The following PDGFC variants were observed in gnomAD, a reference collection of about 807,000 sequenced individuals.
The protein encoded by PDGFC is platelet-derived growth factor C.
PDGFC carries 12 observed loss-of-function variants against 35.5 expected under a neutral mutation model. The ratio of observed to expected loss-of-function variants is 0.34; its 90% CI spans 0.22 to 0.55. The LOEUF is 0.55. Ranked by LOEUF, PDGFC falls within the 20% of genes least tolerant of loss-of-function variation. PDGFC has a pLI of 0.91. For missense variants in PDGFC, 322 were observed against 412.4 expected, an observed-to-expected ratio of 0.78 and a Z score of 1.90; for synonymous variants, 159 against 148.8, an observed-to-expected ratio of 1.07 and a Z score of -0.50.
intron 2 of PDGFC, among the ~76,000 whole-genome samples, chr4:156,825,642 A>AAGAAGC (rs1560828522): frequency 2.0e-5 from 3 of 148,096 alleles, no homozygotes; most frequent in Non-Finnish European, 4.4e-5. Flanking sequence ...GAAGAAGAAG[A>AAGAAGC]AAAGAAAGAA....
chr4:156,859,604 T>A (rs1243771566), intron 1 of PDGFC, among the ~76,000 whole-genome samples: 1 of 152,004 alleles, frequency 6.6e-6, no homozygotes, highest in East Asian at 1.9e-4. Flanking sequence ...CTCGTGAACA[T>A]CCTATCCATT....
intron 1 of PDGFC, among the ~76,000 whole-genome samples, chr4:156,945,126 T>C (rs1041342088): frequency 4.0e-5 from 6 of 151,798 alleles, no homozygotes; most frequent in South Asian, 2.1e-4. Context: ...CTTATTTATA[T>C]GTTATTTGTC....
chr4:156,760,554 G>A lies in PDGFC; in HGVS notation c.*2536C>T, dbSNP rs1730351487. On this transcript the variant is annotated 3_prime_UTR_variant, in exon 6 of 6. Transcript: ENST00000502773. The stretch of plus-strand genomic sequence containing the variant: ...AAACAGATATCATACACAAAACGGT[G>A]TGTGGTCAATACAGTCAATACTTAC... The A allele has an allele frequency of 6.6e-6, 1 of 152,198 alleles. No homozygotes were observed. The highest frequency in any genetic ancestry group is 2.4e-5 in the African/African-American group (1 of 41,432). The allele number at this position is 152,198 out of a possible 1,614,324, so 9.4% of individuals were successfully genotyped here. A position where few individuals can be genotyped will look rare whatever the true frequency, so the allele number is the denominator to read the frequency against.
chr4:156,827,456 G>C (rs891013620), intron 2 of PDGFC, among the ~76,000 whole-genome samples: 1 of 151,366 alleles, frequency 6.6e-6, no homozygotes. Context: ...CTTGTACTTC[G>C]ACAAACGCAA....
chr4:156,794,589 A>G lies in PDGFC; in HGVS notation c.495+16248T>C, dbSNP rs146171184. On this transcript the variant is annotated intron_variant, in intron 3 of 5. Coordinates refer to ENST00000502773, the MANE Select transcript of PDGFC (RefSeq NM_016205.3). ...CTTTTCCTTTACTTTGGTGAGTAATATTTTTTACAAGACCTTTTGCTTTTT... is the reference window on the plus strand; with the variant it reads ...CTTTTCCTTTACTTTGGTGAGTAATGTTTTTTACAAGACCTTTTGCTTTTT... Among the ~76,000 whole-genome samples, 25 of 151,988 alleles carry G rather than the reference A, an allele frequency of 1.6e-4. 1 individual carries two copies. The highest frequency in any genetic ancestry group is 4.6e-4 in the African/African-American group (19 of 41,492).
chr4:156,810,075 A>G (rs1321763871), intron 3 of PDGFC, among the ~76,000 whole-genome samples: 1 of 151,946 alleles, frequency 6.6e-6, no homozygotes, highest in Non-Finnish European at 1.5e-5. Context: ...TATACTAAAC[A>G]GATTCTTAGT....
rs73856789 is a variant in PDGFC at position 156,910,704 on chromosome 4, C to T, written c.118+60082G>A. ...TCTCCACATCCTCACCAGTATTTGG[C>T]ATCACCAGCATTTTTCTTTGTTCTA... On this transcript the variant is annotated intron_variant, in intron 1 of 5. Transcript: ENST00000502773. Among the ~76,000 whole-genome samples the T allele has an allele frequency of 7.7e-3, 1,176 of 152,222 alleles. 12 individuals are homozygous for T. Among genetic ancestry groups the T allele is most frequent in the African/African-American group, 0.026 (1,099 of 41,544 alleles).
chr4:156,960,668 A>G lies in PDGFC; in HGVS notation c.118+10118T>C, dbSNP rs74734731. Among the ~76,000 whole-genome samples, 587 of 152,080 alleles carry G rather than the reference A, an allele frequency of 3.9e-3. 21 individuals carry two copies. The East Asian group carries it at 0.1, about 26-fold the overall frequency. On this transcript the variant is annotated intron_variant, in intron 1 of 5. Coordinates refer to ENST00000502773, the MANE Select transcript of PDGFC (RefSeq NM_016205.3). ...TTTCCAGCAGAGATCTGTCTCTAGG[A>G]CACCCCATCTCAGGCTATGGATGTA...
chr4:156,822,660 T>A (rs1051178656), intron 2 of PDGFC, among the ~76,000 whole-genome samples: 2 of 152,126 alleles, frequency 1.3e-5, no homozygotes, highest in Non-Finnish European at 2.9e-5. Flanking sequence ...ACATTAGACA[T>A]ATGCAGAGAT....
chr4:156,840,432 C>A (rs113259808), intron 2 of PDGFC, among the ~76,000 whole-genome samples: 15 of 152,350 alleles, frequency 9.8e-5, no homozygotes, highest in African/African-American at 3.6e-4. Context: ...GTTTGGGAAT[C>A]TCCACTTAGA....
intron 2 of PDGFC, among the ~76,000 whole-genome samples, chr4:156,823,451 G>A (rs1017498420): frequency 2.0e-5 from 3 of 152,106 alleles, no homozygotes; most frequent in African/African-American, 7.2e-5. Context: ...GTTTTGTTTT[G>A]TTCTCTTCTT....
At chr4:156,842,504 T>A (rs1489917670) in intron 2 of PDGFC, among the ~76,000 whole-genome samples, 1 of 152,018 alleles carries the variant, frequency 6.6e-6, no homozygotes, top group Non-Finnish European at 1.5e-5. Context: ...CTTCAATCCC[T>A]CCTTCAACAT....
At chr4:156,947,635 A>G (rs1044637074) in intron 1 of PDGFC, among the ~76,000 whole-genome samples, 1 of 152,074 alleles carries the variant, frequency 6.6e-6, no homozygotes, top group Non-Finnish European at 1.5e-5. Context: ...TAGTTGAGGT[A>G]TAACAGCAAA....
At chr4:156,844,191 G>T (rs78254304) in intron 2 of PDGFC, among the ~76,000 whole-genome samples, 2 of 152,152 alleles carry the variant, frequency 1.3e-5, no homozygotes, top group African/African-American at 4.8e-5. Context: ...ATAGTGTCAT[G>T]GTGTCTTAGA....
At chr4:156,825,865 ATTTTC>A (rs10608977) in intron 2 of PDGFC, among the ~76,000 whole-genome samples, 7,652 of 149,484 alleles carry the variant, frequency 0.051, 589 homozygotes, top group African/African-American at 0.18. Flanking sequence ...TGATTATGCA[ATTTTC>A]TTTTTTTTTT....
At chr4:156,883,639 A>G (rs1045270256) in intron 1 of PDGFC, among the ~76,000 whole-genome samples, 1 of 152,188 alleles carries the variant, frequency 6.6e-6, no homozygotes, top group Admixed American at 6.5e-5. Flanking sequence ...TTACTACTAT[A>G]CATCATTGAA....
intron 3 of PDGFC, among the ~76,000 whole-genome samples, chr4:156,776,039 T>C (rs1407364882): frequency 6.6e-6 from 1 of 152,064 alleles, no homozygotes; most frequent in African/African-American, 2.4e-5. Flanking sequence ...AAGAGCCGAG[T>C]TGTTCAGTTT....
At chr4:156,849,991 T>C (rs940751060) in intron 2 of PDGFC, among the ~76,000 whole-genome samples, 2 of 152,076 alleles carry the variant, frequency 1.3e-5, no homozygotes, top group African/African-American at 4.8e-5. Context: ...TAAATTATAT[T>C]AAATAATTTT....
chr4:156,909,123 C>T (rs530723808), intron 1 of PDGFC, among the ~76,000 whole-genome samples: 50 of 152,100 alleles, frequency 3.3e-4, no homozygotes, highest in African/African-American at 1.1e-3. Flanking sequence ...TGACAGCTAA[C>T]GAGTATTACT....
Sources: allele counts gnomAD v4.1 joint callset (sites outside exome capture counted in the v4.1 genomes callset), GRCh38; gene constraint gnomAD v4.1.1; transcripts MANE v1.5; gene names NCBI Gene and HGNC (gene_info 2026-07-23, HGNC 2026-07-21).